The following ARPP19 variants were observed in gnomAD, a reference collection of about 807,000 sequenced individuals.
ARPP19 encodes the protein cAMP regulated phosphoprotein 19, also known as cAMP-regulated phosphoprotein 19.
ARPP19 carries 8 observed loss-of-function variants against 12.0 expected under a neutral mutation model. That is an observed-to-expected ratio of 0.67 (90% CI 0.39 to 1.21). The LOEUF (loss-of-function observed/expected upper bound fraction) is 1.21. Among genes scored for constraint, ARPP19 ranks in the 50% most tolerant of loss-of-function variants. The pLI is 0.01. For synonymous variants in ARPP19, 47 were observed against 50.4 expected (o/e 0.93, Z 0.29); for missense variants, 102 against 136.3 (o/e 0.75, Z 1.25).
intron 1 of ARPP19, among the ~76,000 whole-genome samples, chr15:52,558,482 A>G (rs867691956): frequency 9.4e-5 from 14 of 149,064 alleles, no homozygotes; most frequent in Admixed American, 2.7e-4. Context: ...AAAAAAAAAA[A>G]AAAGAAAGAA....
At chr15:52,564,434 A>C (rs902060320) in intron 1 of ARPP19, among the ~76,000 whole-genome samples, 1 of 152,242 alleles carries the variant, frequency 6.6e-6, no homozygotes, top group Admixed American at 6.5e-5. Context: ...AACATTCTTC[A>C]GCCTTTAGGT....
rs112629021 is a variant in ARPP19 at position 52,562,544 on chromosome 15, T to G, written c.46-5322A>C. On this transcript the variant is annotated intron_variant, in intron 1 of 2. Transcript: ENST00000249822. ...TTAGATAGGTGTCGTGGTAGATGCTTATATGCCTATAGTCCTGGCTGCTTG... is the reference window on the plus strand; with the variant it reads ...TTAGATAGGTGTCGTGGTAGATGCTGATATGCCTATAGTCCTGGCTGCTTG... Among the ~76,000 whole-genome samples the G allele has an allele frequency of 2.4e-3, 366 of 152,198 alleles. 1 individual carries two copies. Among genetic ancestry groups the G allele is most frequent in the African/African-American group, 8.5e-3 (355 of 41,538 alleles).
At chr15:52,559,142 C>T (rs1159509865) in intron 1 of ARPP19, among the ~76,000 whole-genome samples, 3 of 152,172 alleles carry the variant, frequency 2.0e-5, no homozygotes, top group Non-Finnish European at 4.4e-5. Flanking sequence ...GCAGATTCAT[C>T]CATTTATGTT....
chr15:52,560,343 A>C (rs1023678456), intron 1 of ARPP19, among the ~76,000 whole-genome samples: 7 of 152,276 alleles, frequency 4.6e-5, no homozygotes, highest in Non-Finnish European at 5.9e-5. Context: ...TATCATATTA[A>C]GCATGCTTAA....
At chr15:52,556,989 G>C in intron 2 of ARPP19, 111 bp downstream of exon 2, 1 of 1,202,220 alleles carries the variant, frequency 8.3e-7, no homozygotes, top group Non-Finnish European at 1.2e-6. Context: ...ATACACATAT[G>C]TACATACCTG....
intron 1 of ARPP19, among the ~76,000 whole-genome samples, chr15:52,567,608 C>A (rs1180841234): frequency 6.6e-6 from 1 of 152,066 alleles, no homozygotes; most frequent in African/African-American, 2.4e-5. Flanking sequence ...TGTATTTTTG[C>A]CCCCAAAATC....
intron 2 of ARPP19, among the ~76,000 whole-genome samples, chr15:52,556,350 A>C (rs1003054380): frequency 5.3e-5 from 8 of 152,120 alleles, no homozygotes; most frequent in Non-Finnish European, 1.2e-4. Context: ...GGAACTCTCT[A>C]ATTTTTTACA....
intron 1 of ARPP19, among the ~76,000 whole-genome samples, chr15:52,566,076 G>A (rs1279511578): frequency 4.0e-5 from 6 of 151,878 alleles, no homozygotes; most frequent in African/African-American, 7.3e-5. Flanking sequence ...GGCTGGTATC[G>A]AACTCCTGAC....
rs552822810 is a variant in ARPP19 at position 52,551,875 on chromosome 15, A to C, written c.*59T>G. 89 of 1,258,272 alleles carry C rather than the reference A, an allele frequency of 7.1e-5. No homozygotes were observed. The African/African-American group carries it at 1.3e-3, about 19-fold the overall frequency. The allele number at this position is 1,258,272 out of a possible 1,614,324, so 77.9% of individuals were successfully genotyped here. ...AATGAAAGGAAATAAAAAGTAGATA[A>C]GTAACATATTAAGGAGAAATAATGA... On this transcript the variant is annotated 3_prime_UTR_variant, in exon 3 of 3. Coordinates refer to ENST00000249822, the MANE Select transcript of ARPP19 (RefSeq NM_006628.6).
intron 2 of ARPP19, among the ~76,000 whole-genome samples, chr15:52,555,171 T>C (rs2077970287): frequency 6.6e-6 from 1 of 152,084 alleles, no homozygotes; most frequent in African/African-American, 2.4e-5. Flanking sequence ...TCAGTAGCAT[T>C]TTCTTCATTC....
intron 1 of ARPP19, among the ~76,000 whole-genome samples, chr15:52,563,444 C>A (rs1258522794): frequency 6.6e-6 from 1 of 152,004 alleles, no homozygotes; most frequent in Non-Finnish European, 1.5e-5. Context: ...ATCCAAAAAA[C>A]AAAAACAAAA....
chr15:52,562,631 T>C (rs1009162200), intron 1 of ARPP19, among the ~76,000 whole-genome samples: 2 of 149,660 alleles, frequency 1.3e-5, no homozygotes, highest in Non-Finnish European at 3.0e-5. Context: ...ACCCTGTTTC[T>C]TTAAAAACAA....
chr15:52,560,973 A>G (rs973727774), intron 1 of ARPP19, among the ~76,000 whole-genome samples: 1 of 152,220 alleles, frequency 6.6e-6, no homozygotes, highest in African/African-American at 2.4e-5. Context: ...TTACCTCTGG[A>G]AACACCATCT....
chr15:52,564,353 A>T (rs760107495), intron 1 of ARPP19: 34 of 768,638 alleles, frequency 4.4e-5, no homozygotes, highest in Non-Finnish European at 7.1e-5. Flanking sequence ...TCAAGGCGGC[A>T]ATATGCTATC....
rs1207756505 is a variant in ARPP19 at position 52,550,100 on chromosome 15, GGA to G, written c.*1832_*1833del. On this transcript the variant is annotated 3_prime_UTR_variant, in exon 3 of 3. Transcript: ENST00000249822. ...GAAAAGATGCCTGGATCCAAAAACG[GGA>G]GGCTCTCTGCAAGTCAAAGATGAAG... is the stretch of plus-strand genomic sequence containing the variant. The G allele has an allele frequency of 1.3e-5, 2 of 152,342 alleles. No homozygotes were observed. The highest frequency in any genetic ancestry group is 2.4e-5 in the African/African-American group (1 of 41,400). The allele number at this position is 152,342 out of a possible 1,614,324, so 9.4% of individuals were successfully genotyped here. A position where few individuals can be genotyped will look rare whatever the true frequency, so the allele number is the denominator to read the frequency against.
At chr15:52,560,157 T>G (rs1262847511) in intron 1 of ARPP19, among the ~76,000 whole-genome samples, 1 of 152,154 alleles carries the variant, frequency 6.6e-6, no homozygotes, top group Admixed American at 6.5e-5. Context: ...TTGTACACAA[T>G]CCGGGCATTC....
Position 52,549,611 on chromosome 15 carries a change from A to C in ARPP19, c.*2323T>G, listed in dbSNP as rs2077910393. On this transcript the variant is annotated 3_prime_UTR_variant, in exon 3 of 3. Transcript: ENST00000249822. ...TACATTTTGAGGTAGGTCAAATATT[A>C]ATTATGTATTTTACAAACAAAACTC... 6.6e-6 allele frequency: 1 copy of C among 152,658 alleles called. No homozygotes were observed. Among genetic ancestry groups the C allele is most frequent in the African/African-American group, 2.4e-5 (1 of 41,458 alleles). 9.5% of individuals were successfully genotyped at this position (152,658 alleles called of 1,614,324 possible). A position where few individuals can be genotyped will look rare whatever the true frequency, so the allele number is the denominator to read the frequency against.
intron 1 of ARPP19, among the ~76,000 whole-genome samples, chr15:52,567,803 C>T (rs1414615587): frequency 6.6e-6 from 1 of 152,044 alleles, no homozygotes; most frequent in African/African-American, 2.4e-5. Flanking sequence ...GCTTAGAACA[C>T]TAATCCAATT....
chr15:52,556,914 T>G, intron 2 of ARPP19, 186 bp downstream of exon 2: 1 of 513,016 alleles, frequency 1.9e-6, no homozygotes, highest in East Asian at 3.2e-5. Context: ...TGCTGAAGAG[T>G]TGTAGATTCT....
Sources: allele counts gnomAD v4.1 joint callset (sites outside exome capture counted in the v4.1 genomes callset), GRCh38; gene constraint gnomAD v4.1.1; transcripts MANE v1.5; gene names NCBI Gene and HGNC (gene_info 2026-07-23, HGNC 2026-07-21).